Variants in VPS41 observed in about 807,000 individuals in gnomAD.
VPS41 encodes VPS41 subunit of HOPS complex, also known as vacuolar protein sorting-associated protein 41 homolog.
A neutral mutation model predicts 130.9 loss-of-function variants in VPS41; 85 were observed. The ratio of observed to expected loss-of-function variants is 0.65; its 90% CI spans 0.55 to 0.78. VPS41 has a LOEUF of 0.78. VPS41 is among the 30% of genes least tolerant of loss of function. VPS41 has a pLI of 0.00. For missense variants in VPS41, 874 were observed against 1,018.7 expected (o/e 0.86, Z 1.93); for synonymous variants, 335 against 332.9 (o/e 1.01, Z -0.07).
chr7:38,889,668 A>T (rs1786818527), intron 2 of VPS41, among the ~76,000 whole-genome samples: 1 of 152,146 alleles, frequency 6.6e-6, no homozygotes, highest in Non-Finnish European at 1.5e-5. Context: ...GCCTATCCTT[A>T]AAGAGTGGCT....
intron 4 of VPS41, among the ~76,000 whole-genome samples, chr7:38,854,232 G>A (rs1303079319): frequency 1.3e-5 from 2 of 152,180 alleles, no homozygotes; most frequent in African/African-American, 2.4e-5. Flanking sequence ...TGGCACACTT[G>A]AGCCAACAAT....
Position 38,726,248 on chromosome 7 carries a change from A to G in VPS41, c.2563T>C (p.Ter855GlnextTer14). The G allele has an allele frequency of 6.2e-7, 1 of 1,607,920 alleles. No homozygotes were observed. Among genetic ancestry groups the G allele is most frequent in the Non-Finnish European group, 8.5e-7 (1 of 1,174,980 alleles). The stretch of plus-strand genomic sequence containing the variant: ...GGAGACTGACAAGGAGAAATGAGCT[A>G]TTTTTTCATCTCCAAAATTGCACTT... ...PGSAILEMKK[*>Q] is the part of the protein sequence containing the mutation. Residue 855 changes from the stop codon to glutamine (Q), a stop_lost, in exon 29 of 29, where the codon TAG becomes CAG. Coordinates refer to ENST00000310301, the MANE Select transcript of VPS41 (RefSeq NM_014396.4).
rs1795522666 is a variant in VPS41, at chr7:38,725,649, G to A, written c.*597C>T. On this transcript the variant is annotated 3_prime_UTR_variant, in exon 29 of 29. Coordinates refer to ENST00000310301, the MANE Select transcript of VPS41 (RefSeq NM_014396.4). ...AGTCGTCACAGCACACAGAACATGT[G>A]ATTAGTAAACATAATGGTGCAGGAC... The A allele has an allele frequency of 6.6e-6, 1 of 152,466 alleles. No individual in the cohort carries two copies. The highest frequency in any genetic ancestry group is 2.4e-5 in the African/African-American group (1 of 41,454). The allele number at this position is 152,466 out of a possible 1,614,324, so 9.4% of individuals were successfully genotyped here.
intron 18 of VPS41, among the ~76,000 whole-genome samples, chr7:38,757,348 C>T (rs760770338): frequency 2.0e-4 from 31 of 152,150 alleles, no homozygotes; most frequent in Non-Finnish European, 4.4e-4. Flanking sequence ...CCAATTCTTA[C>T]AAGCAGTATT....
At chr7:38,858,700 G>C (rs933004268) in intron 4 of VPS41, among the ~76,000 whole-genome samples, 1 of 152,122 alleles carries the variant, frequency 6.6e-6, no homozygotes, top group Non-Finnish European at 1.5e-5. Flanking sequence ...TGTTACTCAC[G>C]TGTCTGTGAT....
Position 38,783,955 on chromosome 7 carries a change from C to T in VPS41, c.784+5846G>A, listed in dbSNP as rs996357885. ...TATAGATACATTTTATTGAGAAATG[C>T]AATTATAAAACATTATCAATCTCCT... On this transcript the variant is annotated intron_variant, in intron 10 of 28. Coordinates refer to ENST00000310301, the MANE Select transcript of VPS41 (RefSeq NM_014396.4). 5.3e-5 allele frequency among the ~76,000 whole-genome samples: 8 copies of T among 152,242 alleles called. No individual in the cohort carries two copies. In the East Asian group the frequency reaches 1.5e-3, roughly 29 times the overall value.
At chr7:38,871,925 A>G (rs1285986287) in intron 2 of VPS41, among the ~76,000 whole-genome samples, 1 of 152,190 alleles carries the variant, frequency 6.6e-6, no homozygotes, top group Non-Finnish European at 1.5e-5. Context: ...CCTTCCAAGT[A>G]GCTAAGACTA....
rs187440341 is a variant in VPS41, at chr7:38,767,065, T to C, written c.1247+472A>G. Among the ~76,000 whole-genome samples the C allele has an allele frequency of 2.6e-3, 390 of 152,284 alleles. 1 individual carries two copies. Among genetic ancestry groups the C allele is most frequent in the Non-Finnish European group, 4.0e-3 (275 of 68,022 alleles). On this transcript the variant is annotated intron_variant, in intron 15 of 28. Transcript: ENST00000310301. Reference sequence around the variant, plus strand: ...ATCTCCATGCCCACCCTCTGTTGCATTGTGGGAATTGGGGTTTGGGGATCG... The same window carrying C: ...ATCTCCATGCCCACCCTCTGTTGCACTGTGGGAATTGGGGTTTGGGGATCG...
intron 17 of VPS41, among the ~76,000 whole-genome samples, chr7:38,759,120 T>C (rs941181190): frequency 6.6e-6 from 1 of 152,232 alleles, no homozygotes; most frequent in Non-Finnish European, 1.5e-5. Context: ...TTCCAGTTTA[T>C]AGTTGACCAG....
intron 25 of VPS41, among the ~76,000 whole-genome samples, chr7:38,737,795 A>C (rs1168017170): frequency 6.6e-6 from 1 of 152,160 alleles, no homozygotes; most frequent in Non-Finnish European, 1.5e-5. Context: ...TGATCTTTGA[A>C]AGTTTTGTAA....
chr7:38,731,943 T>G (rs1227818973), intron 25 of VPS41, among the ~76,000 whole-genome samples: 1 of 152,178 alleles, frequency 6.6e-6, no homozygotes, highest in African/African-American at 2.4e-5. Flanking sequence ...CTCCTTCTTT[T>G]CAAACACAAC....
At chr7:38,765,204 A>G (rs1286470650) in intron 16 of VPS41, among the ~76,000 whole-genome samples, 2 of 152,200 alleles carry the variant, frequency 1.3e-5, no homozygotes, top group African/African-American at 4.8e-5. Flanking sequence ...TCTGTCTTTC[A>G]GCAGGTAAAA....
intron 1 of VPS41, among the ~76,000 whole-genome samples, chr7:38,908,791 A>G (rs1226768502): frequency 6.6e-6 from 1 of 152,206 alleles, no homozygotes; most frequent in African/African-American, 2.4e-5. Context: ...CTTCAAGTGG[A>G]AAGCAACTTA....
chr7:38,897,920 A>C (rs1787044222), intron 2 of VPS41, among the ~76,000 whole-genome samples, 171 bp downstream of exon 2: 1 of 152,196 alleles, frequency 6.6e-6, no homozygotes, highest in African/African-American at 2.4e-5. Flanking sequence ...TAATCCATTT[A>C]ATCTTTTTTA....
chr7:38,870,379 GA>G (rs1290017606), intron 2 of VPS41, among the ~76,000 whole-genome samples: 4 of 152,178 alleles, frequency 2.6e-5, no homozygotes, highest in Non-Finnish European at 5.9e-5. Context: ...GAGGCATCGG[GA>G]AATTGGATCC....
intron 21 of VPS41, among the ~76,000 whole-genome samples, chr7:38,752,525 T>C (rs1471887404): frequency 6.6e-6 from 1 of 152,184 alleles, no homozygotes; most frequent in Non-Finnish European, 1.5e-5. Context: ...CCCCAAAACC[T>C]GACTCTGCCA....
chr7:38,756,771 A>G, intron 19 of VPS41, 67 bp downstream of exon 19: 2 of 1,178,286 alleles, frequency 1.7e-6, no homozygotes, highest in Non-Finnish European at 2.3e-6. Flanking sequence ...ATTTGGATAG[A>G]TATCTAAGTA....
intron 7 of VPS41, among the ~76,000 whole-genome samples, chr7:38,814,394 G>T (rs978024865): frequency 1.3e-5 from 2 of 152,202 alleles, no homozygotes; most frequent in South Asian, 4.1e-4. Flanking sequence ...GCTCACGCCT[G>T]TAAGCCCAGC....
chr7:38,877,965 A>T (rs1208428474), intron 2 of VPS41, among the ~76,000 whole-genome samples: 1 of 152,184 alleles, frequency 6.6e-6, no homozygotes, highest in Non-Finnish European at 1.5e-5. Flanking sequence ...CAGAAGGAGA[A>T]CTATGCTTGC....
Sources: allele counts gnomAD v4.1 joint callset (sites outside exome capture counted in the v4.1 genomes callset), GRCh38; gene constraint gnomAD v4.1.1; transcripts MANE v1.5; gene names NCBI Gene and HGNC (gene_info 2026-07-23, HGNC 2026-07-21).